Variants in ATE1 observed in about 807,000 individuals in gnomAD.
ATE1 encodes arginyltransferase 1, also known as arginyl-tRNA--protein transferase 1.
In ATE1, 36 loss-of-function variants were observed where a neutral mutation model predicts 70.5. That is an observed-to-expected ratio of 0.51 (90% confidence interval 0.39 to 0.67). The LOEUF (loss-of-function observed/expected upper bound fraction) is 0.67. Among genes scored for constraint, ATE1 ranks in the 30% least tolerant of loss-of-function variants. The pLI, the probability that ATE1 is intolerant of heterozygous loss-of-function variation, is 0.00. For synonymous variants in ATE1, 232 were observed against 219.3 expected, an observed-to-expected ratio of 1.06 and a Z score of -0.51; for missense variants, 593 against 629.5, an observed-to-expected ratio of 0.94 and a Z score of 0.62.
At chr10:121,892,649 G>T (rs1248754428) in intron 7 of ATE1, among the ~76,000 whole-genome samples, 1 of 152,036 alleles carries the variant, frequency 6.6e-6, no homozygotes. Flanking sequence ...TGGATTACAG[G>T]TGCCCTCCAC....
intron 8 of ATE1, among the ~76,000 whole-genome samples, chr10:121,867,063 A>G (rs4429006): frequency 0.9 from 136,291 of 152,106 alleles, 61,225 homozygotes; most frequent in Middle Eastern, 0.96. Flanking sequence ...GCTGAGTCCT[A>G]CCAAATTATG....
chr10:121,789,324 A>C (rs573451811), intron 11 of ATE1, among the ~76,000 whole-genome samples: 9 of 89,558 alleles, frequency 1.0e-4, no homozygotes, highest in Non-Finnish European at 1.7e-4. Flanking sequence ...TTTGAGACAG[A>C]GTCTTACACT....
rs564135711 is a variant in ATE1, at chr10:121,858,347, A to AT, written c.975+11658dup. 8.0e-3 allele frequency among the ~76,000 whole-genome samples: 1,202 copies of AT among 149,968 alleles called. 21 individuals carry two copies. Among genetic ancestry groups the AT allele is most frequent in the African/African-American group, 0.027 (1,095 of 40,958 alleles). ...ACCATGCCAACAGTTACCGTTTTCC[A>AT]TTTTTTTTTTATAATAACCCACCAA... On this transcript the variant is annotated intron_variant, in intron 8 of 11. Coordinates refer to ENST00000224652, the MANE Select transcript of ATE1 (RefSeq NM_001001976.3).
chr10:121,800,616 T>C (rs1182868952), intron 10 of ATE1, among the ~76,000 whole-genome samples: 1 of 152,192 alleles, frequency 6.6e-6, no homozygotes, highest in African/African-American at 2.4e-5. Context: ...AAGACAATAT[T>C]ATTTAAATAC....
chr10:121,859,613 G>A (rs1949396922), intron 8 of ATE1, among the ~76,000 whole-genome samples: 1 of 152,160 alleles, frequency 6.6e-6, no homozygotes, highest in Non-Finnish European at 1.5e-5. Context: ...AAAAGTAAGA[G>A]ACATACATTT....
chr10:121,833,632 A>T (rs1948331005), intron 10 of ATE1, among the ~76,000 whole-genome samples: 1 of 151,996 alleles, frequency 6.6e-6, no homozygotes. Context: ...GGGGAGGGGC[A>T]AAGGGAAGGG....
intron 3 of ATE1, among the ~76,000 whole-genome samples, chr10:121,915,647 T>A (rs755498198): frequency 2.0e-4 from 30 of 152,048 alleles, no homozygotes; most frequent in Admixed American, 4.6e-4. Context: ...CCCAGCACTT[T>A]GGGAGGCCGA....
intron 4 of ATE1, among the ~76,000 whole-genome samples, chr10:121,911,480 G>C (rs563023735): frequency 1.3e-4 from 20 of 149,852 alleles, no homozygotes; most frequent in African/African-American, 4.7e-4. Flanking sequence ...TGGCGCCCTA[G>C]CAGGGCAATG....
At chr10:121,853,361 C>CAAA (rs386372688) in intron 8 of ATE1, among the ~76,000 whole-genome samples, 28 of 69,032 alleles carry the variant, frequency 4.1e-4, no homozygotes, top group Non-Finnish European at 6.0e-4. Context: ...GACTCTGTCT[C>CAAA]AAAAAAAAAA....
intron 11 of ATE1, among the ~76,000 whole-genome samples, chr10:121,755,023 G>C (rs974140374): frequency 6.6e-6 from 1 of 152,076 alleles, no homozygotes; most frequent in Non-Finnish European, 1.5e-5. Flanking sequence ...GGTAACAAAA[G>C]ACAAGGATAT....
At chr10:121,794,416 G>A (rs1946570503) in intron 10 of ATE1, among the ~76,000 whole-genome samples, 2 of 151,888 alleles carry the variant, frequency 1.3e-5, no homozygotes, top group Admixed American at 6.6e-5. Context: ...CCCAGGCTGG[G>A]CAACACAGTG....
rs528538234 is a variant in ATE1, at chr10:121,862,566, G to C, written c.975+7440C>G. Among the ~76,000 whole-genome samples, 5 of 128,090 alleles carry C rather than the reference G, an allele frequency of 3.9e-5. No individual in the cohort carries two copies. In the East Asian group the frequency reaches 1.1e-3, roughly 27 times the overall value. The allele number at this position is 128,090 out of a possible 152,430, so 84.0% of individuals were successfully genotyped here. A position where few individuals can be genotyped will look rare whatever the true frequency, so the allele number is the denominator to read the frequency against. On this transcript the variant is annotated intron_variant, in intron 8 of 11. Transcript: ENST00000224652. ...TTTTTTTTTTTTTTGTAGAGACGTGGTTTTGCCATGTTGCCCAGGCTGGTC... is the reference window on the plus strand; with the variant it reads ...TTTTTTTTTTTTTTGTAGAGACGTGCTTTTGCCATGTTGCCCAGGCTGGTC...
intron 10 of ATE1, among the ~76,000 whole-genome samples, chr10:121,824,392 T>C (rs1251032798): frequency 2.0e-5 from 3 of 152,182 alleles, no homozygotes; most frequent in East Asian, 3.8e-4. Context: ...TCAGGAAACT[T>C]TGAAAAGCTT....
At chr10:121,880,619 T>G (rs886221239) in intron 7 of ATE1, among the ~76,000 whole-genome samples, 1 of 151,038 alleles carries the variant, frequency 6.6e-6, no homozygotes, top group Non-Finnish European at 1.5e-5. Flanking sequence ...ACAAATATAT[T>G]CCCTATTTTT....
At chr10:121,850,520 A>AAG (rs886583335) in intron 8 of ATE1, among the ~76,000 whole-genome samples, 21 of 152,198 alleles carry the variant, frequency 1.4e-4, no homozygotes, top group African/African-American at 4.8e-4. Context: ...CTTAGTCAAA[A>AAG]AGGTAATCAT....
intron 5 of ATE1, among the ~76,000 whole-genome samples, chr10:121,904,532 T>C (rs1208219995): frequency 6.6e-6 from 1 of 150,654 alleles, no homozygotes; most frequent in East Asian, 2.0e-4. Context: ...TCCCAGCTAC[T>C]TGGGAGGCTG....
chr10:121,827,341 G>C (rs1948065369), intron 10 of ATE1, among the ~76,000 whole-genome samples: 2 of 152,116 alleles, frequency 1.3e-5, no homozygotes, highest in African/African-American at 2.4e-5. Context: ...AGACAGAGGA[G>C]AGAAAATTCT....
At chr10:121,816,284 A>C (rs1947538833) in intron 10 of ATE1, among the ~76,000 whole-genome samples, 1 of 152,212 alleles carries the variant, frequency 6.6e-6, no homozygotes, top group Non-Finnish European at 1.5e-5. Context: ...CAAGGGTGCT[A>C]CATATAATAG....
intron 7 of ATE1, among the ~76,000 whole-genome samples, chr10:121,893,819 T>TC (rs34214396): frequency 0.13 from 19,989 of 152,040 alleles, 1,485 homozygotes; most frequent in East Asian, 0.18. Flanking sequence ...AGAAAATATT[T>TC]AATGCAAAAG....
Sources: gnomAD v4.1 joint callset for allele counts (sites outside exome capture counted in the v4.1 genomes callset) on GRCh38, gnomAD v4.1.1 for gene constraint, MANE v1.5 for transcripts, NCBI Gene and HGNC (gene_info 2026-07-23, HGNC 2026-07-21) for gene names.